Variants in IFI6 observed in about 807,000 individuals in gnomAD.
IFI6 encodes interferon alpha inducible protein 6, also known as interferon alpha-inducible protein 6.
In IFI6, 10 loss-of-function variants were observed where a neutral mutation model predicts 12.7. The observed-to-expected ratio is 0.79, with a 90% CI of 0.49 to 1.33. The LOEUF is 1.33. IFI6 is among the 40% of genes most tolerant of loss of function. The pLI, the probability that IFI6 is intolerant of heterozygous loss-of-function variation, is 0.00. For synonymous variants in IFI6, 89 were observed against 86.2 expected, an observed-to-expected ratio of 1.03 and a Z score of -0.18; for missense variants, 154 against 180.4, an observed-to-expected ratio of 0.85 and a Z score of 0.84.
intron 1 of IFI6, 118 bp from the exon 2 acceptor site, chr1:27,669,464 AC>A: frequency 1.5e-6 from 1 of 650,800 alleles, no homozygotes; most frequent in East Asian, 2.8e-5. Context: ...GGTGAATGGA[AC>A]CCAGGATCCC....
intron 4 of IFI6, among the ~76,000 whole-genome samples, chr1:27,667,122 G>A (rs2090357964): frequency 6.6e-6 from 1 of 151,526 alleles, no homozygotes; most frequent in Non-Finnish European, 1.5e-5. Flanking sequence ...GAGTCACTCT[G>A]GGCCAGCACA....
intron 2 of IFI6, among the ~76,000 whole-genome samples, chr1:27,668,936 C>T (rs1054259951): frequency 1.3e-5 from 2 of 152,036 alleles, no homozygotes; most frequent in African/African-American, 4.8e-5. Flanking sequence ...CCCTTACCTG[C>T]ACCCTTATCT....
rs1317054737 is a variant in IFI6 at position 27,668,536 on chromosome 1, C to T, written c.71-1G>A. ...GAGCTCTCCGAGCACTTTTTCTTAC[C>T]TGCAGGAGAGCAGACAAAGCGTAGT... On this transcript the variant is annotated splice_acceptor_variant, in intron 2 of 4. Transcript: ENST00000361157. LOFTEE classifies it high-confidence loss of function. The T allele has an allele frequency of 1.3e-6, 2 of 1,596,668 alleles. No homozygotes were observed. The highest frequency in any genetic ancestry group is 3.4e-5 in the Admixed American group (2 of 58,786).
chr1:27,671,839 G>A (rs1444843927), intron 1 of IFI6, among the ~76,000 whole-genome samples: 1 of 152,168 alleles, frequency 6.6e-6, no homozygotes. Flanking sequence ...TACAGAGGAA[G>A]TAATTAAGGC....
In IFI6 at chr1:27,669,215, CCTTACCTGCATCCTTACCCGCATT is replaced by C. The variant is rs748493640; in HGVS notation, c.70+6_70+29del. 1.3e-6 allele frequency: 2 copies of C among 1,551,104 alleles called. No individual in the cohort carries two copies. Among genetic ancestry groups the C allele is most frequent in the South Asian group, 2.4e-5 (2 of 84,042 alleles). ...TCCTTACCTGCACCCTTACCTGTCC[CCTTACCTGCATCCTTACCCGCATT>C]CTCACCTGCCTCCACCCCACTGCAA... On this transcript the variant is annotated splice_donor_region_variant and intron_variant, in intron 2 of 4. Coordinates refer to ENST00000361157, the MANE Select transcript of IFI6 (RefSeq NM_002038.4).
Position 27,666,388 on chromosome 1 carries a change from T to A in IFI6, c.386A>T (p.Glu129Val). 1.9e-6 allele frequency: 3 copies of A among 1,557,682 alleles called. No homozygotes were observed. Among genetic ancestry groups the A allele is most frequent in the Non-Finnish European group, 2.6e-6 (3 of 1,143,982 alleles). ...THKYLDSEED[E>V]E Reference sequence around the variant, plus strand: ...GGTTCTGGGAGCTGCTGGCTACTCCTCATCCTCCTCACTATCGAGATACTT... The same window carrying A: ...GGTTCTGGGAGCTGCTGGCTACTCCACATCCTCCTCACTATCGAGATACTT... The change falls in exon 5 of 5, where the codon GAG (glutamate) becomes GTG (valine). Residue 129 changes from glutamate to valine, a missense_variant. By Grantham distance (121) the Glu-to-Val change is moderately radical. Coordinates refer to ENST00000361157, the MANE Select transcript of IFI6 (RefSeq NM_002038.4).
rs773397561 is a variant in IFI6, at chr1:27,666,489, A to G, written c.299-14T>C. On this transcript the variant is annotated splice_polypyrimidine_tract_variant and intron_variant, in intron 4 of 4. Coordinates refer to ENST00000361157, the MANE Select transcript of IFI6 (RefSeq NM_002038.4). ...TGCCACCAGCCCCTGTAAAGCAAAC[A>G]CAGATGAGTCACTGGGGCCCAAGTG... 2 of 1,600,626 alleles carry G rather than the reference A, an allele frequency of 1.2e-6. No individual in the cohort carries two copies. The highest frequency in any genetic ancestry group is 1.7e-5 in the Admixed American group (1 of 59,652).
At chr1:27,668,116 C>T in intron 4 of IFI6, 110 bp downstream of exon 4, 1 of 1,006,572 alleles carries the variant, frequency 9.9e-7, no homozygotes, top group Non-Finnish European at 1.4e-6. Flanking sequence ...TGGTAAACTA[C>T]TTAATTACTT....
Position 27,668,317 on chromosome 1 carries a change from G to C in IFI6, c.207C>G (p.Asn69Lys), listed in dbSNP as rs766884757. Residue 69 changes from asparagine (N) to lysine (K), a missense_variant, in exon 4 of 5, where the codon AAC (asparagine) becomes AAG (lysine). Transcript: ENST00000361157. ...AGCTCATCAGCGAGGCAGCCACCGA[G>C]TTGGCCGCGATGCCGGCGCCGGTGA... ...LGFTGAGIAANSVAASLMSWS... is the reference protein window; with the variant it reads ...LGFTGAGIAAKSVAASLMSWS... 2.6e-5 allele frequency: 41 copies of C among 1,575,496 alleles called. No individual in the cohort carries two copies. Among genetic ancestry groups the C allele is most frequent in the Non-Finnish European group, 3.4e-5 (39 of 1,162,646 alleles).
At position 27,666,084 on chromosome 1, in the gene IFI6, T is replaced by C. The variant is rs1215397661; in HGVS notation, c.*297A>G. 2 of 267,514 alleles carry C rather than the reference T, an allele frequency of 7.5e-6. No homozygotes were observed. Among genetic ancestry groups the C allele is most frequent in the Non-Finnish European group, 1.4e-5 (2 of 140,132 alleles). 16.6% of individuals were successfully genotyped at this position (267,514 alleles called of 1,614,324 possible). ...CAAAGTGTTTTCTGGGTGAAGTTTA[T>C]TCTGTTTTCACATCTAGGTTGTTGG... On this transcript the variant is annotated 3_prime_UTR_variant, in exon 5 of 5. Coordinates refer to ENST00000361157, the MANE Select transcript of IFI6 (RefSeq NM_002038.4).
chr1:27,668,567 T>G (rs2148544410), intron 2 of IFI6, 32 bp from the exon 3 acceptor site: 1 of 1,552,458 alleles, frequency 6.4e-7, no homozygotes, highest in South Asian at 1.2e-5. Flanking sequence ...GTAGTGGGGG[T>G]GTTGGGGTGG....
intron 1 of IFI6, 109 bp from the exon 2 acceptor site, chr1:27,669,455 G>T: frequency 1.5e-6 from 1 of 684,264 alleles, no homozygotes; most frequent in Non-Finnish European, 2.6e-6. Context: ...GCGAGGTGTG[G>T]TGAATGGAAC....
intron 1 of IFI6, among the ~76,000 whole-genome samples, chr1:27,669,738 T>A (rs977047417): frequency 6.6e-6 from 1 of 152,202 alleles, no homozygotes; most frequent in African/African-American, 2.4e-5. Flanking sequence ...TTTCAGAGGG[T>A]ACTTGTTAAT....
chr1:27,668,621 C>T, intron 2 of IFI6, 86 bp from the exon 3 acceptor site: 1 of 1,088,084 alleles, frequency 9.2e-7, no homozygotes, highest in East Asian at 2.6e-5. Flanking sequence ...CAGGACCACT[C>T]CTGGAGGCGG....
chr1:27,671,882 G>T (rs548197376), intron 1 of IFI6, among the ~76,000 whole-genome samples: 2 of 152,190 alleles, frequency 1.3e-5, no homozygotes, highest in Non-Finnish European at 2.9e-5. Flanking sequence ...GCCACAGATC[G>T]CTGATATTGC....
chr1:27,670,510 C>T (rs2090396195), intron 1 of IFI6: 1 of 150,900 alleles, frequency 6.6e-6, no homozygotes, highest in East Asian at 1.9e-4. Context: ...TGATCTTGAA[C>T]TCCTGAACTC....
At chr1:27,667,963 T>A (rs886126975) in intron 4 of IFI6, among the ~76,000 whole-genome samples, 11 of 152,130 alleles carry the variant, frequency 7.2e-5, no homozygotes, top group Admixed American at 7.2e-4. Context: ...CCCAGCTACT[T>A]GGGAGGCTGT....
At position 27,666,460 on chromosome 1, in the gene IFI6, C is replaced by A. The variant is rs781609496; in HGVS notation, c.314G>T (p.Ser105Ile). The A allele has an allele frequency of 4.3e-6, 7 of 1,613,778 alleles. No homozygotes were observed. The highest frequency in any genetic ancestry group is 5.1e-6 in the Non-Finnish European group (6 of 1,179,790). ...TLQSLGAGGSSVVIGNIGALM... is the reference protein window; with the variant it reads ...TLQSLGAGGSIVVIGNIGALM... Reference sequence around the variant, plus strand: ...GGCACCAATATTACCTATGACGACGCTGCTGCCACCAGCCCCTGTAAAGCA... The same window carrying A: ...GGCACCAATATTACCTATGACGACGATGCTGCCACCAGCCCCTGTAAAGCA... The change falls in exon 5 of 5, where the codon AGC becomes ATC. Residue 105 changes from serine to isoleucine, a missense_variant. Transcript: ENST00000361157.
At chr1:27,669,531 G>GC (rs1479415195) in intron 1 of IFI6, 185 bp from the exon 2 acceptor site, 5 of 546,492 alleles carry the variant, frequency 9.1e-6, no homozygotes, top group Non-Finnish European at 1.7e-5. Context: ...AGATGTCCCT[G>GC]CCCCAACCGG....
Sources: allele counts gnomAD v4.1 joint callset (sites outside exome capture counted in the v4.1 genomes callset), GRCh38; gene constraint gnomAD v4.1.1; transcripts MANE v1.5; gene names NCBI Gene and HGNC (gene_info 2026-07-23, HGNC 2026-07-21).